PDE6A: variants seen among roughly 807,000 people sequenced by gnomAD.
The protein encoded by PDE6A is phosphodiesterase 6A.
In PDE6A, 84 loss-of-function variants were observed where a neutral mutation model predicts 106.3. The ratio of observed to expected loss-of-function variants is 0.79; its 90% CI spans 0.66 to 0.95. The LOEUF (loss-of-function observed/expected upper bound fraction) is 0.95. Ranked by LOEUF, PDE6A falls within the 40% of genes least tolerant of loss-of-function variation. PDE6A has a pLI of 0.00. For missense variants in PDE6A, 1,052 were observed against 1,084.9 expected (o/e 0.97, Z 0.43); for synonymous variants, 394 against 386.6 (o/e 1.02, Z -0.23).
intron 17 of PDE6A, among the ~76,000 whole-genome samples, chr5:149,869,737 G>T (rs1760467545): frequency 6.6e-6 from 1 of 152,192 alleles, no homozygotes; most frequent in Admixed American, 6.5e-5. Context: ...GAAAAGAGCA[G>T]GATGGAGGGG....
At chr5:149,886,197 G>T in intron 14 of PDE6A, 68 bp downstream of exon 14, 1 of 1,188,430 alleles carries the variant, frequency 8.4e-7, no homozygotes, top group Non-Finnish European at 1.3e-6. Flanking sequence ...CAGTGAGTCT[G>T]CCTGGGAGCC....
Position 149,860,984 on chromosome 5 carries a change from A to G in PDE6A, c.2507-13T>C. 6.2e-7 allele frequency: 1 copy of G among 1,613,184 alleles called. No individual in the cohort carries two copies. Among genetic ancestry groups the G allele is most frequent in the Non-Finnish European group, 8.5e-7 (1 of 1,179,386 alleles). ...TTTCCTGCGGCTGCTGCAATGAAAC[A>G]GGAAAAAGAACACACCAGGTGACAA... is the stretch of plus-strand genomic sequence containing the variant. On this transcript the variant is annotated splice_polypyrimidine_tract_variant and intron_variant, in intron 21 of 21. Coordinates refer to ENST00000255266, the MANE Select transcript of PDE6A (RefSeq NM_000440.3).
rs369262314 is a variant in PDE6A at position 149,944,433 on chromosome 5, C to T, written c.241G>A (p.Val81Ile). The change falls in exon 1 of 22, where the codon GTC becomes ATC. Residue 81 changes from valine to isoleucine, a missense_variant. Val to Ile is a conservative substitution (Grantham distance 29). Around this residue, in one of 3 missense-constraint regions of PDE6A, gnomAD observed 913 missense variants for 915.2 expected, o/e 1.00. Coordinates refer to ENST00000255266, the MANE Select transcript of PDE6A (RefSeq NM_000440.3). ...NLQTEKCIFNVMKKLCFLLQA... is the reference protein window; with the variant it reads ...NLQTEKCIFNIMKKLCFLLQA... Reference sequence around the variant, plus strand: ...AGGAGGAAGCACAGCTTCTTCATGACATTGAAGATGCATTTCTCTGTCTGT... The same window carrying T: ...AGGAGGAAGCACAGCTTCTTCATGATATTGAAGATGCATTTCTCTGTCTGT... 1.4e-5 allele frequency: 22 copies of T among 1,613,972 alleles called. No homozygotes were observed. The highest frequency in any genetic ancestry group is 2.2e-5 in the East Asian group (1 of 44,886).
intron 17 of PDE6A, among the ~76,000 whole-genome samples, chr5:149,882,916 G>A (rs1178653155): frequency 1.3e-5 from 2 of 152,126 alleles, no homozygotes; most frequent in Non-Finnish European, 2.9e-5. Context: ...AAATTAGCTG[G>A]GCGTGGTGGT....
In PDE6A at chr5:149,884,188, GAA is replaced by G. The variant is rs55911717; in HGVS notation, c.2027+289_2027+290del. Among the ~76,000 whole-genome samples the G allele has an allele frequency of 4.1e-4, 30 of 72,630 alleles. 2 individuals are homozygous for G. Among genetic ancestry groups the G allele is most frequent in the African/African-American group, 7.1e-4 (14 of 19,722 alleles). 47.6% of individuals were successfully genotyped at this position (72,630 alleles called of 152,430 possible). ...CAGAGTGAGATCCTGTCTCAAAAAA[GAA>G]AAAAAAAAAATATATATATATATAT... On this transcript the variant is annotated intron_variant, in intron 16 of 21. Coordinates refer to ENST00000255266, the MANE Select transcript of PDE6A (RefSeq NM_000440.3).
chr5:149,866,135 A>G (rs763497787), intron 20 of PDE6A, 35 bp downstream of exon 20: 3 of 1,454,770 alleles, frequency 2.1e-6, no homozygotes, highest in Non-Finnish European at 2.9e-6. Context: ...TTTATCAAAG[A>G]CATCTTGTTG....
intron 5 of PDE6A, among the ~76,000 whole-genome samples, chr5:149,916,432 A>G (rs1363282384): frequency 6.6e-6 from 1 of 151,908 alleles, no homozygotes; most frequent in Non-Finnish European, 1.5e-5. Context: ...TCATGGCCCC[A>G]TTTCTCCTTC....
intron 8 of PDE6A, among the ~76,000 whole-genome samples, chr5:149,899,953 T>G (rs1403013480): frequency 6.6e-6 from 1 of 152,202 alleles, no homozygotes; most frequent in African/African-American, 2.4e-5. Flanking sequence ...CTTCCTATGT[T>G]ACTTTTAGTA....
chr5:149,927,151 G>A (rs1753888009), intron 4 of PDE6A, among the ~76,000 whole-genome samples: 1 of 152,016 alleles, frequency 6.6e-6, no homozygotes, highest in East Asian at 1.9e-4. Context: ...AGATTGTATA[G>A]CCTACTACAC....
rs191122171 is a variant in PDE6A, at chr5:149,925,073, G to A, written c.859-3364C>T. On this transcript the variant is annotated intron_variant, in intron 4 of 21. Transcript: ENST00000255266. Reference sequence around the variant, plus strand: ...GAGGTTCTCTGCCTTTACCCCAACTGCTTGCCAGAAGTAAAACCATCCCCT... The same window carrying A: ...GAGGTTCTCTGCCTTTACCCCAACTACTTGCCAGAAGTAAAACCATCCCCT... Among the ~76,000 whole-genome samples the A allele has an allele frequency of 2.8e-4, 43 of 152,208 alleles. No homozygotes were observed. In the East Asian group the frequency reaches 7.7e-3, roughly 27 times the overall value.
chr5:149,886,352 A>G lies in PDE6A; in HGVS notation c.1751T>C (p.Phe584Ser), dbSNP rs1377077658. The G allele has an allele frequency of 6.2e-7, 1 of 1,614,010 alleles. No individual in the cohort carries two copies. The highest frequency in any genetic ancestry group is 2.2e-5 in the East Asian group (1 of 44,872). ...LLVTGKLKRY[F>S]TDLEALAMVT... The stretch of plus-strand genomic sequence containing the variant: ...CATGGCCAAGGCCTCTAGGTCCGTG[A>G]AGTAGCGCTTCAGCTTTCCCGTCTG... Residue 584 changes from phenylalanine to serine, a missense_variant, in exon 14 of 22, where the codon TTC (phenylalanine) becomes TCC (serine). By Grantham distance (155) the Phe-to-Ser change is radical. Transcript: ENST00000255266.
Position 149,906,519 on chromosome 5 carries a change from C to CAAAAAA in PDE6A, c.1065+787_1065+792dup, listed in dbSNP as rs560905491. On this transcript the variant is annotated intron_variant, in intron 7 of 21. Transcript: ENST00000255266. ...CCAGCCTGGGCAACAGAGACACTGT[C>CAAAAAA]AAAAAAAAAAAAAAAAAAATCCCAC... is the stretch of plus-strand genomic sequence containing the variant. 1.3e-3 allele frequency among the ~76,000 whole-genome samples: 73 copies of CAAAAAA among 54,206 alleles called. 3 individuals are homozygous for CAAAAAA. Among genetic ancestry groups the CAAAAAA allele is most frequent in the African/African-American group, 2.7e-3 (44 of 16,246 alleles). 35.6% of individuals were successfully genotyped at this position (54,206 alleles called of 152,430 possible).
chr5:149,860,955 C>T lies in PDE6A; in HGVS notation c.2523G>A (p.Gln841=), dbSNP rs753027862. ...QSAKSAAAGN[Q]PGGNPSPGGA... is the part of the protein sequence containing the mutation. Reference sequence around the variant, plus strand: ...CCCCTGGGCTGGGGTTTCCCCCCGGCTGATTTCCTGCGGCTGCTGCAATGA... The same window carrying T: ...CCCCTGGGCTGGGGTTTCCCCCCGGTTGATTTCCTGCGGCTGCTGCAATGA... Residue 841 remains glutamine, a synonymous_variant, in exon 22 of 22, where the codon CAG becomes CAA. Transcript: ENST00000255266. 4 of 1,614,158 alleles carry T rather than the reference C, an allele frequency of 2.5e-6. No individual in the cohort carries two copies. The Admixed American group carries it at 5.0e-5, about 20-fold the overall frequency.
intron 5 of PDE6A, among the ~76,000 whole-genome samples, chr5:149,921,263 C>T (rs1474557805): frequency 6.6e-6 from 1 of 151,668 alleles, no homozygotes; most frequent in Non-Finnish European, 1.5e-5. Flanking sequence ...AGATATTAAA[C>T]ACTTAGCTTC....
chr5:149,925,570 G>C (rs1268861415), intron 4 of PDE6A, among the ~76,000 whole-genome samples: 2 of 151,936 alleles, frequency 1.3e-5, no homozygotes, highest in Non-Finnish European at 2.9e-5. Context: ...AGCTGAGCAT[G>C]GTGGCCTGCA....
chr5:149,867,369 T>C (rs1032633009), intron 19 of PDE6A: 1 of 388,806 alleles, frequency 2.6e-6, no homozygotes, highest in Non-Finnish European at 4.9e-6. Context: ...ACCTTTGAAA[T>C]TGAAAGGGCA....
chr5:149,903,685 A>G lies in PDE6A; in HGVS notation c.1076T>C (p.Ile359Thr). 1 of 1,613,864 alleles carries G rather than the reference A, an allele frequency of 6.2e-7. No homozygotes were observed. Among genetic ancestry groups the G allele is most frequent in the Non-Finnish European group, 8.5e-7 (1 of 1,179,756 alleles). Residue 359 changes from isoleucine to threonine, a missense_variant, in exon 8 of 22, where the codon ATC becomes ACC. Physicochemically the swap from Ile to Thr is moderately conservative, Grantham distance 89 (BLOSUM62 -1). Coordinates refer to ENST00000255266, the MANE Select transcript of PDE6A (RefSeq NM_000440.3). ...YVAQNGLICN[I>T]MNAPAEDFFA... ...AAAGTCCTCCGCAGGCGCATTCATG[A>G]TGTTGCAAATCTGAGAGCAGTGAAG...
chr5:149,931,906 G>T, intron 3 of PDE6A: 1 of 726,568 alleles, frequency 1.4e-6, no homozygotes, highest in Admixed American at 2.6e-5. Context: ...TTCAGGTTGT[G>T]GACTATAAAA....
intron 17 of PDE6A, among the ~76,000 whole-genome samples, chr5:149,882,715 G>A (rs1048815352): frequency 7.9e-5 from 12 of 152,092 alleles, no homozygotes; most frequent in East Asian, 1.9e-4. Context: ...AAAGGAATAC[G>A]TTAAAAATTA....
Sources: gnomAD v4.1 joint callset for allele counts (sites outside exome capture counted in the v4.1 genomes callset) on GRCh38, gnomAD v4.1.1 for gene constraint, gnomAD v4.1.1 regional missense constraint, MANE v1.5 for transcripts, NCBI Gene and HGNC (gene_info 2026-07-23, HGNC 2026-07-21) for gene names.